The following GNAT3 variants were observed in gnomAD, a reference collection of about 807,000 sequenced individuals.
The protein encoded by GNAT3 is guanine nucleotide-binding protein G(t) subunit alpha-3.
GNAT3 carries 31 observed loss-of-function variants against 37.7 expected under a neutral mutation model. That is an observed-to-expected ratio of 0.82 (90% CI 0.62 to 1.11). The LOEUF (loss-of-function observed/expected upper bound fraction) is 1.11, where lower values mean the gene tolerates loss of function less well. Ranked by LOEUF, GNAT3 falls within the 50% of genes most tolerant of loss-of-function variation. GNAT3 has a pLI of 0.00. For synonymous variants in GNAT3, 138 were observed against 139.8 expected (o/e 0.99, Z 0.09); for missense variants, 437 against 412.5 (o/e 1.06, Z -0.51).
Position 80,474,471 on chromosome 7 carries a change from G to GTA in GNAT3, c.462-93_462-92insTA, listed in dbSNP as rs1467976390. The GTA allele has an allele frequency of 2.8e-4, 143 of 503,392 alleles. No individual in the cohort carries two copies. In the East Asian group the frequency reaches 3.6e-3, roughly 13 times the overall value. The allele number at this position is 503,392 out of a possible 1,614,324, so 31.2% of individuals were successfully genotyped here. A position where few individuals can be genotyped will look rare whatever the true frequency, so the allele number is the denominator to read the frequency against. On this transcript the variant is annotated intron_variant, in intron 4 of 7. Transcript: ENST00000398291. ...TATACACACATACATACATATATATGTGTGTGTATATATATATATTTTTAA... is the reference window on the plus strand; with the variant it reads ...TATACACACATACATACATATATATGTATGTGTGTATATATATATATTTTTAA...
chr7:80,502,234 C>T (rs574209146), intron 1 of GNAT3, among the ~76,000 whole-genome samples: 9 of 152,146 alleles, frequency 5.9e-5, no homozygotes, highest in East Asian at 1.9e-4. Context: ...TATCTCCAAG[C>T]TCATCAAGTG....
chr7:80,499,377 G>A (rs1019885013), intron 1 of GNAT3, among the ~76,000 whole-genome samples: 1 of 152,024 alleles, frequency 6.6e-6, no homozygotes, highest in Non-Finnish European at 1.5e-5. Context: ...GTATGAGAGC[G>A]GTGTACTTTT....
rs972297597 is a variant in GNAT3 at position 80,476,069 on chromosome 7, C to T, written c.462-1690G>A. Among the ~76,000 whole-genome samples, 8 of 151,578 alleles carry T rather than the reference C, an allele frequency of 5.3e-5. No individual in the cohort carries two copies. The South Asian group carries it at 8.3e-4, about 16-fold the overall frequency. ...GGTGTGTTGTTGGTCAGTTAGTTCA[C>T]GCAAGAGTAAAAAGAAAACAAAAAA... On this transcript the variant is annotated intron_variant, in intron 4 of 7. Coordinates refer to ENST00000398291, the MANE Select transcript of GNAT3 (RefSeq NM_001102386.3).
chr7:80,497,029 ACACCT>A (rs1316113445), intron 1 of GNAT3, among the ~76,000 whole-genome samples: 2 of 152,144 alleles, frequency 1.3e-5, no homozygotes, highest in Non-Finnish European at 2.9e-5. Flanking sequence ...CTTCAAGAAC[ACACCT>A]CTCCATGATT....
intron 1 of GNAT3, among the ~76,000 whole-genome samples, chr7:80,497,592 A>G (rs1466346136): frequency 1.5e-5 from 2 of 136,784 alleles, no homozygotes; most frequent in African/African-American, 6.1e-5. Flanking sequence ...ATATACATAT[A>G]CGTATATACA....
intron 3 of GNAT3, among the ~76,000 whole-genome samples, chr7:80,482,886 T>C (rs1790415761): frequency 6.6e-6 from 1 of 151,976 alleles, no homozygotes; most frequent in African/African-American, 2.4e-5. Context: ...TTTGTAGAGG[T>C]ATCATGAATA....
intron 4 of GNAT3, among the ~76,000 whole-genome samples, chr7:80,475,634 G>C (rs949301362): frequency 6.6e-6 from 1 of 151,962 alleles, no homozygotes; most frequent in Non-Finnish European, 1.5e-5. Flanking sequence ...AAAATTGTTT[G>C]TTCAGTGATT....
intron 1 of GNAT3, among the ~76,000 whole-genome samples, chr7:80,501,781 G>A (rs1396847281): frequency 6.6e-6 from 1 of 151,744 alleles, no homozygotes; most frequent in Non-Finnish European, 1.5e-5. Context: ...GATGAATATT[G>A]TATAAATAAT....
intron 5 of GNAT3, among the ~76,000 whole-genome samples, chr7:80,463,678 G>C (rs143624593): frequency 1.3e-5 from 2 of 151,696 alleles, no homozygotes; most frequent in Non-Finnish European, 2.9e-5. Context: ...GGTCAGGAAC[G>C]TTATCTGTAT....
At chr7:80,478,249 T>G (rs1584176675) in intron 4 of GNAT3, among the ~76,000 whole-genome samples, 1 of 152,210 alleles carries the variant, frequency 6.6e-6, no homozygotes, top group Non-Finnish European at 1.5e-5. Context: ...AATGAAATTA[T>G]AAATAGTGTC....
chr7:80,465,142 T>A lies in GNAT3; in HGVS notation c.591-2511A>T, dbSNP rs1352721768. 1.3e-5 allele frequency among the ~76,000 whole-genome samples: 2 copies of A among 152,152 alleles called. 1 individual carries two copies. Among genetic ancestry groups the A allele is most frequent in the Non-Finnish European group, 2.9e-5 (2 of 68,012 alleles). On this transcript the variant is annotated intron_variant, in intron 5 of 7. Coordinates refer to ENST00000398291, the MANE Select transcript of GNAT3 (RefSeq NM_001102386.3). ...TGCATTCAGAAATTTAAATTGTTCA[T>A]GAACTGTTTTGTTAGTCCATAAAAA...
intron 7 of GNAT3, among the ~76,000 whole-genome samples, chr7:80,461,499 G>A (rs1004511589): frequency 4.0e-5 from 6 of 151,844 alleles, no homozygotes; most frequent in African/African-American, 1.5e-4. Context: ...CAGCCTGAGC[G>A]ACAGAGCGAG....
At chr7:80,493,592 A>G (rs1332705736) in intron 2 of GNAT3, among the ~76,000 whole-genome samples, 1 of 144,908 alleles carries the variant, frequency 6.9e-6, no homozygotes, top group South Asian at 2.2e-4. Flanking sequence ...CCTCCTCTTC[A>G]TCCTCCTCTT....
intron 1 of GNAT3, among the ~76,000 whole-genome samples, chr7:80,498,854 A>G (rs1790780709): frequency 2.0e-5 from 3 of 152,132 alleles, no homozygotes; most frequent in African/African-American, 7.2e-5. Context: ...CTTAATTCAT[A>G]CTTAGATACT....
chr7:80,461,637 T>A (rs1790052065), intron 7 of GNAT3, among the ~76,000 whole-genome samples: 1 of 152,080 alleles, frequency 6.6e-6, no homozygotes, highest in South Asian at 2.1e-4. Flanking sequence ...ACAGCCCTTC[T>A]GTGGGATTTC....
chr7:80,468,842 G>T (rs974590800), intron 5 of GNAT3, among the ~76,000 whole-genome samples: 1 of 152,008 alleles, frequency 6.6e-6, no homozygotes, highest in African/African-American at 2.4e-5. Context: ...AAATGTGTGT[G>T]TGCATTTGAA....
chr7:80,474,448 TAC>T (rs1790271885), intron 4 of GNAT3, 69 bp from the exon 5 acceptor site: 1 of 658,400 alleles, frequency 1.5e-6, no homozygotes, highest in Non-Finnish European at 2.5e-6. Context: ...TATGTATATA[TAC>T]ACACATACAT....
intron 5 of GNAT3, among the ~76,000 whole-genome samples, chr7:80,470,513 G>A (rs953643362): frequency 3.9e-5 from 6 of 152,170 alleles, no homozygotes; most frequent in Non-Finnish European, 7.3e-5. Flanking sequence ...GAGCCACCAC[G>A]CCCAGCCAAG....
At chr7:80,509,643 T>G (rs1191101692) in intron 1 of GNAT3, among the ~76,000 whole-genome samples, 2 of 152,072 alleles carry the variant, frequency 1.3e-5, no homozygotes, top group Non-Finnish European at 2.9e-5. Flanking sequence ...ATAAGTTGGG[T>G]CCCAGTCAAT....
Sources: gnomAD v4.1 joint callset for allele counts (sites outside exome capture counted in the v4.1 genomes callset) on GRCh38, gnomAD v4.1.1 for gene constraint, MANE v1.5 for transcripts, NCBI Gene and HGNC (gene_info 2026-07-23, HGNC 2026-07-21) for gene names.